The following FER1L6 variants were observed in gnomAD, a reference collection of about 807,000 sequenced individuals.
FER1L6 encodes the protein fer-1 like family member 6.
In FER1L6, 177 loss-of-function variants were observed where a neutral mutation model predicts 219.2. The observed-to-expected ratio is 0.81, with a 90% CI of 0.71 to 0.91. The LOEUF is 0.91. Among genes scored for constraint, FER1L6 ranks in the 40% least tolerant of loss-of-function variants. The pLI is 0.00. For synonymous variants in FER1L6, 768 were observed against 824.3 expected (o/e 0.93, Z 1.17); for missense variants, 2,153 against 2,259.9 (o/e 0.95, Z 0.96).
intron 7 of FER1L6, 28 bp downstream of exon 7, chr8:123,973,540 A>G: frequency 1.3e-6 from 2 of 1,558,526 alleles, no homozygotes; most frequent in Non-Finnish European, 1.8e-6. Flanking sequence ...CCCCATCTGT[A>G]TCTCACTTGT....
At chr8:124,042,479 C>T (rs982812031) in intron 20 of FER1L6, among the ~76,000 whole-genome samples, 8 of 152,188 alleles carry the variant, frequency 5.3e-5, no homozygotes, top group African/African-American at 1.2e-4. Context: ...AGGTAAGGCT[C>T]GGAAGCGATA....
chr8:123,907,926 C>T (rs114423475), intron 1 of FER1L6, among the ~76,000 whole-genome samples: 7,440 of 151,708 alleles, frequency 0.049, 596 homozygotes, highest in African/African-American at 0.17. Context: ...AATATGGTAG[C>T]GAAAATTTGC....
intron 1 of FER1L6, among the ~76,000 whole-genome samples, chr8:123,894,070 A>G (rs539608513): frequency 1.3e-4 from 20 of 152,274 alleles, no homozygotes; most frequent in African/African-American, 4.8e-4. Flanking sequence ...CAATAGCTCC[A>G]TGGACAGTTT....
intron 32 of FER1L6, among the ~76,000 whole-genome samples, chr8:124,077,698 T>C (rs1474367939): frequency 6.6e-6 from 1 of 152,212 alleles, no homozygotes; most frequent in East Asian, 1.9e-4. Context: ...ATCCGTGCTA[T>C]ATGGCCATGG....
In FER1L6 at chr8:124,114,895, G is replaced by GTATATATATATA. The variant is rs71289637; in HGVS notation, c.5290-3921_5290-3910dup. ...ACATATATATGCAGTGTGTGTGTGC[G>GTATATATATATA]TATATATATATATATATATATATAT... On this transcript the variant is annotated intron_variant, in intron 39 of 40. Transcript: ENST00000522917. Among the ~76,000 whole-genome samples, 14 of 90,064 alleles carry GTATATATATATA rather than the reference G, an allele frequency of 1.6e-4. 1 individual carries two copies. The highest frequency in any genetic ancestry group is 2.5e-4 in the Admixed American group (2 of 8,160). The allele number at this position is 90,064 out of a possible 152,430, so 59.1% of individuals were successfully genotyped here.
intron 12 of FER1L6, among the ~76,000 whole-genome samples, chr8:123,988,082 A>G (rs1816680935): frequency 6.6e-6 from 1 of 152,114 alleles, no homozygotes; most frequent in Non-Finnish European, 1.5e-5. Flanking sequence ...TGGGCGACAG[A>G]GCGCAACTCA....
intron 11 of FER1L6, chr8:123,984,268 A>C (rs537258303): frequency 3.3e-5 from 5 of 152,326 alleles, no homozygotes; most frequent in African/African-American, 1.2e-4. Context: ...GAGAATAGAC[A>C]TGATTTGCTT....
intron 20 of FER1L6, among the ~76,000 whole-genome samples, chr8:124,041,373 G>C (rs1819484194): frequency 6.6e-6 from 1 of 152,242 alleles, no homozygotes; most frequent in South Asian, 2.1e-4. Flanking sequence ...TTGTTCTCCA[G>C]GGCAAAGCCC....
At chr8:124,062,366 G>A (rs899786081) in intron 25 of FER1L6, among the ~76,000 whole-genome samples, 1 of 152,220 alleles carries the variant, frequency 6.6e-6, no homozygotes, top group Non-Finnish European at 1.5e-5. Context: ...TTCATTGCAC[G>A]TCTCAGTTCC....
Position 124,064,399 on chromosome 8 carries a change from CCAGGATCCCCCAG to C in FER1L6, c.3385_3397del (p.Asp1129IlefsTer42), listed in dbSNP as rs767213473. The C allele has an allele frequency of 6.2e-7, 1 of 1,613,424 alleles. No individual in the cohort carries two copies. The highest frequency in any genetic ancestry group is 2.2e-5 in the East Asian group (1 of 44,870). The stretch of plus-strand genomic sequence containing the variant: ...AGTCCTCTGGAGCCCACAGCTCCTC[CCAGGATCCCCCAG>C]CAGATCACATTTATGTGGATGTTGA... On this transcript the variant is annotated frameshift_variant, in exon 26 of 41. Transcript: ENST00000522917. LOFTEE classifies it high-confidence loss of function.
intron 12 of FER1L6, among the ~76,000 whole-genome samples, chr8:123,997,360 G>A (rs1030172659): frequency 3.9e-5 from 6 of 152,110 alleles, no homozygotes; most frequent in African/African-American, 1.4e-4. Flanking sequence ...GGCCTGTAAG[G>A]TTTCCACTGA....
rs1346375559 is a variant in FER1L6, at chr8:124,103,293, A to G, written c.5273A>G (p.Lys1758Arg). Reference protein sequence around the residue: ...KRVRGWWPFSKSKELTGKVEA... With the variant: ...KRVRGWWPFSRSKELTGKVEA... Reference sequence around the variant, plus strand: ...GTGCGTGGCTGGTGGCCTTTTTCTAAAAGCAAAGAACTCACAGTAAGTGAC... The same window carrying G: ...GTGCGTGGCTGGTGGCCTTTTTCTAGAAGCAAAGAACTCACAGTAAGTGAC... Residue 1758 changes from lysine to arginine, a missense_variant, in exon 39 of 41, where the codon AAA becomes AGA. Lys to Arg is a conservative substitution (Grantham distance 26, BLOSUM62 2). Transcript: ENST00000522917. 1.2e-5 allele frequency: 19 copies of G among 1,613,996 alleles called. No individual in the cohort carries two copies. The highest frequency in any genetic ancestry group is 1.5e-5 in the Non-Finnish European group (18 of 1,179,946).
chr8:123,857,614 T>G (rs1340644154), intron 1 of FER1L6, among the ~76,000 whole-genome samples: 3 of 152,208 alleles, frequency 2.0e-5, no homozygotes, highest in Non-Finnish European at 2.9e-5. Context: ...AATGCTCTAC[T>G]CTTTCTCTCT....
chr8:123,962,006 C>T (rs1429048023), intron 2 of FER1L6, among the ~76,000 whole-genome samples: 1 of 151,680 alleles, frequency 6.6e-6, no homozygotes. Flanking sequence ...TCTTCTGCCT[C>T]AGCCTCCCGA....
chr8:123,862,870 C>A (rs199981653), intron 1 of FER1L6, among the ~76,000 whole-genome samples: 2 of 145,152 alleles, frequency 1.4e-5, no homozygotes, highest in African/African-American at 5.5e-5. Context: ...TCTTCTCTCT[C>A]TTTTTCTTTA....
chr8:124,043,084 C>G (rs1819575963), intron 20 of FER1L6, among the ~76,000 whole-genome samples: 1 of 152,182 alleles, frequency 6.6e-6, no homozygotes, highest in Non-Finnish European at 1.5e-5. Context: ...TGAATGGTCT[C>G]TTACCCCAGT....
chr8:123,907,348 C>G (rs943637572), intron 1 of FER1L6, among the ~76,000 whole-genome samples: 2 of 152,134 alleles, frequency 1.3e-5, no homozygotes, highest in Non-Finnish European at 2.9e-5. Context: ...ATCAACAGAT[C>G]ACACGGTCAT....
intron 1 of FER1L6, among the ~76,000 whole-genome samples, chr8:123,879,959 C>T (rs942326129): frequency 2.6e-5 from 4 of 152,084 alleles, no homozygotes; most frequent in African/African-American, 4.8e-5. Flanking sequence ...TGCTGTCCCC[C>T]GTTCACCATG....
chr8:124,060,728 C>G lies in FER1L6; in HGVS notation c.3147+19C>G. The G allele has an allele frequency of 1.2e-6, 2 of 1,607,598 alleles. No homozygotes were observed. Among genetic ancestry groups the G allele is most frequent in the East Asian group, 2.2e-5 (1 of 44,616 alleles). ...CGAAGTGGTGCGAGCTTCTCACTCT[C>G]CCGACCTGGCTCATTCCTCTTTTTT... On this transcript the variant is annotated intron_variant, in intron 24 of 40. Transcript: ENST00000522917.
Sources: allele counts gnomAD v4.1 joint callset (sites outside exome capture counted in the v4.1 genomes callset), GRCh38; gene constraint gnomAD v4.1.1; transcripts MANE v1.5; gene names NCBI Gene and HGNC (gene_info 2026-07-23, HGNC 2026-07-21).